The following TAMM41 variants were observed in gnomAD, a reference collection of about 807,000 sequenced individuals.
TAMM41 encodes phosphatidate cytidylyltransferase, mitochondrial.
Under a neutral mutation model 44.1 loss-of-function variants are expected in TAMM41, and 36 were observed. That is an observed-to-expected ratio of 0.82 (90% CI 0.63 to 1.08). The LOEUF is 1.08. Among genes scored for constraint, TAMM41 ranks in the 50% least tolerant of loss-of-function variants. The pLI is 0.00. For synonymous variants in TAMM41, 164 were observed against 153.1 expected (o/e 1.07, Z -0.53); for missense variants, 417 against 404.3 (o/e 1.03, Z -0.27).
chr3:11,746,508 A>G, the TAMM41 span, among the ~76,000 whole-genome samples: 5 of 152,080 alleles, frequency 3.3e-5, no homozygotes, highest in African/African-American at 1.2e-4. Context: ...ATTGGGGAAT[A>G]TTCCTGCAAT....
At chr3:11,785,820 T>C, downstream of TAMM41, among the ~76,000 whole-genome samples, 1 of 151,864 alleles carries the variant, frequency 6.6e-6, no homozygotes, top group Non-Finnish European at 1.5e-5. Context: ...GGTCTCACTA[T>C]GTTGTCCAGG....
At chr3:11,807,278 T>G in intron 7 of TAMM41, 1 of 1,437,506 alleles carries the variant, frequency 7.0e-7, no homozygotes, top group Non-Finnish European at 9.1e-7. Context: ...GACAACTATA[T>G]TAGGAGGACA....
intron 4 of TAMM41, among the ~76,000 whole-genome samples, chr3:11,828,213 T>C (rs1400668281): frequency 6.6e-6 from 1 of 152,172 alleles, no homozygotes; most frequent in African/African-American, 2.4e-5. Flanking sequence ...ATGAAAGAGA[T>C]CTACCTACAG....
intron 3 of TAMM41, among the ~76,000 whole-genome samples, chr3:11,834,652 C>T (rs2079104743): frequency 6.6e-6 from 1 of 152,120 alleles, no homozygotes. Flanking sequence ...TTACACTCAA[C>T]TTTTCCCAGA....
At position 11,833,105 on chromosome 3, in the gene TAMM41, G is replaced by C. The variant is rs150117338; in HGVS notation, c.412-3241C>G. The C allele has an allele frequency of 1.7e-3, 2,126 of 1,283,990 alleles. 5 individuals are homozygous for C. The highest frequency in any genetic ancestry group is 2.0e-3 in the Non-Finnish European group (1,954 of 985,836). The allele number at this position is 1,283,990 out of a possible 1,614,324, so 79.5% of individuals were successfully genotyped here. On this transcript the variant is annotated intron_variant, in intron 3 of 7. Coordinates refer to ENST00000455809, the MANE Select transcript of TAMM41 (RefSeq NM_001284401.2). Reference sequence around the variant, plus strand: ...TGTCTCAGCAGCACTGTTATTTGTTGTTCAGAGTGAAAAGCCAGTGAACTC... The same window carrying C: ...TGTCTCAGCAGCACTGTTATTTGTTCTTCAGAGTGAAAAGCCAGTGAACTC...
chr3:11,831,287 C>T (rs904775707), intron 3 of TAMM41, among the ~76,000 whole-genome samples: 2 of 152,152 alleles, frequency 1.3e-5, no homozygotes, highest in African/African-American at 2.4e-5. Context: ...ACATTTCTAA[C>T]AAGTTCTTAA....
At chr3:11,751,174 C>T in the TAMM41 span, among the ~76,000 whole-genome samples, 4 of 150,356 alleles carry the variant, frequency 2.7e-5, no homozygotes, top group Non-Finnish European at 5.9e-5. Flanking sequence ...TCACTGCAAC[C>T]TCTGCCTCCC....
chr3:11,805,979 A>T (rs1335416364), intron 7 of TAMM41, among the ~76,000 whole-genome samples: 1 of 152,162 alleles, frequency 6.6e-6, no homozygotes, highest in Non-Finnish European at 1.5e-5. Flanking sequence ...AATAGTGAAT[A>T]AGTGTTACGA....
chr3:11,751,794 C>A, the TAMM41 span, among the ~76,000 whole-genome samples: 4 of 152,228 alleles, frequency 2.6e-5, no homozygotes, highest in African/African-American at 9.6e-5. Context: ...GTTCTTGACC[C>A]TGTCTGTCTT....
the TAMM41 span, chr3:11,725,073 TTCC>T: frequency 6.5e-6 from 1 of 153,788 alleles, no homozygotes; most frequent in Non-Finnish European, 1.4e-5. Flanking sequence ...CTTCCTCTTT[TTCC>T]TCTTCTTCCT....
At chr3:11,775,672 C>T in the TAMM41 span, among the ~76,000 whole-genome samples, 1 of 152,194 alleles carries the variant, frequency 6.6e-6, no homozygotes, top group East Asian at 1.9e-4. Context: ...GTTTGCGCAG[C>T]ATTATTCACA....
intron 7 of TAMM41, among the ~76,000 whole-genome samples, chr3:11,793,329 C>T (rs1295317760): frequency 6.6e-6 from 1 of 152,116 alleles, no homozygotes; most frequent in Non-Finnish European, 1.5e-5. Flanking sequence ...CACTAGTCAC[C>T]CACTAGAGTG....
the TAMM41 span, among the ~76,000 whole-genome samples, chr3:11,768,514 A>G: frequency 1.3e-5 from 2 of 152,220 alleles, no homozygotes; most frequent in Non-Finnish European, 1.5e-5. Context: ...TTTATGTTAG[A>G]ATAGAAGAAA....
intron 7 of TAMM41, among the ~76,000 whole-genome samples, chr3:11,793,869 G>A (rs1026235767): frequency 6.6e-6 from 1 of 152,084 alleles, no homozygotes; most frequent in Non-Finnish European, 1.5e-5. Flanking sequence ...TTCTTTACCT[G>A]GGCACTAGGT....
chr3:11,846,837 A>G lies in TAMM41; in HGVS notation c.-201T>C. The stretch of plus-strand genomic sequence containing the variant: ...ACGAAGAGCAGCGGCGAGAAGACGC[A>G]GCCCAGATAGGCTCGGGTGGGCGGC... On this transcript the variant is annotated 5_prime_UTR_variant, in exon 1 of 8. Coordinates refer to ENST00000455809, the MANE Select transcript of TAMM41 (RefSeq NM_001284401.2). 1.6e-6 allele frequency: 1 copy of G among 642,728 alleles called. No homozygotes were observed. The highest frequency in any genetic ancestry group is 2.9e-5 in the East Asian group (1 of 34,604). 39.8% of individuals were successfully genotyped at this position (642,728 alleles called of 1,614,324 possible).
intron 4 of TAMM41, among the ~76,000 whole-genome samples, chr3:11,825,260 C>T (rs950820032): frequency 6.6e-6 from 1 of 152,200 alleles, no homozygotes; most frequent in Admixed American, 6.5e-5. Context: ...ACCTGACACA[C>T]AGTACTAGTC....
chr3:11,731,355 C>T, the TAMM41 span, among the ~76,000 whole-genome samples: 12 of 152,108 alleles, frequency 7.9e-5, no homozygotes, highest in Admixed American at 3.9e-4. Context: ...TTCTGCAGGG[C>T]ATAGTGGCAT....
chr3:11,774,522 C>T, the TAMM41 span, among the ~76,000 whole-genome samples: 1 of 152,210 alleles, frequency 6.6e-6, no homozygotes, highest in African/African-American at 2.4e-5. Flanking sequence ...CCCCAGCTGC[C>T]GCCTGCAATC....
the TAMM41 span, among the ~76,000 whole-genome samples, chr3:11,751,362 G>A: frequency 5.9e-5 from 9 of 152,108 alleles, no homozygotes; most frequent in Admixed American, 3.3e-4. Flanking sequence ...AAAGAGCTGG[G>A]ATTACAGGCA....
Sources: allele counts gnomAD v4.1 joint callset (sites outside exome capture counted in the v4.1 genomes callset), GRCh38; gene constraint gnomAD v4.1.1; transcripts MANE v1.5; gene names NCBI Gene and HGNC (gene_info 2026-07-23, HGNC 2026-07-21).